TNS1: variants seen among roughly 807,000 people sequenced by gnomAD.
TNS1 encodes the protein tensin-1.
TNS1 carries 62 observed loss-of-function variants against 168.6 expected under a neutral mutation model. The observed-to-expected ratio is 0.37, with a 90% CI of 0.30 to 0.45. The LOEUF is 0.45. Ranked by LOEUF, TNS1 falls within the 20% of genes least tolerant of loss-of-function variation. The probability of loss-of-function intolerance (pLI) is 1.00; values close to 1 mark genes in which losing one functional copy is unlikely to be tolerated. For synonymous variants in TNS1, 934 were observed against 933.2 expected, an observed-to-expected ratio of 1.00 and a Z score of -0.02; for missense variants, 2,240 against 2,339.4, an observed-to-expected ratio of 0.96 and a Z score of 0.88.
Position 217,818,946 on chromosome 2 carries a change from G to A in TNS1, c.3573-187C>T, listed in dbSNP as rs116425098. 8.3e-3 allele frequency among the ~76,000 whole-genome samples: 1,269 copies of A among 152,278 alleles called. 26 individuals are homozygous for A. The highest frequency in any genetic ancestry group is 0.029 in the African/African-American group (1,207 of 41,538). Reference sequence around the variant, plus strand: ...ATCAGAAGAAGAAACTGAGGCTCAGGGAGGTTAAGCAGTAGGCTTAGTACC... The same window carrying A: ...ATCAGAAGAAGAAACTGAGGCTCAGAGAGGTTAAGCAGTAGGCTTAGTACC... On this transcript the variant is annotated intron_variant, in intron 23 of 32. Transcript: ENST00000682258.
At chr2:217,836,979 C>G (rs1945261542) in intron 19 of TNS1, among the ~76,000 whole-genome samples, 1 of 152,144 alleles carries the variant, frequency 6.6e-6, no homozygotes, top group Admixed American at 6.5e-5. Context: ...GTTAATCTCA[C>G]CCTCCTTCCT....
At position 217,966,308 on chromosome 2, in the gene TNS1, T is replaced by TGTGTGC. The variant is rs372273499; in HGVS notation, c.186+12456_186+12457insGCACAC. 9.0e-5 allele frequency among the ~76,000 whole-genome samples: 12 copies of TGTGTGC among 133,748 alleles called. No homozygotes were observed. The South Asian group carries it at 1.2e-3, about 14-fold the overall frequency. The allele number at this position is 133,748 out of a possible 152,430, so 87.7% of individuals were successfully genotyped here. ...GTGTGTGTGTGTGTGTGTGTGTGTGTGCGCGCGCGCGCGTGTGTAAGGAGA... is the reference window on the plus strand; with the variant it reads ...GTGTGTGTGTGTGTGTGTGTGTGTGTGTGTGCGCGCGCGCGCGCGTGTGTAAGGAGA... On this transcript the variant is annotated intron_variant, in intron 3 of 32. Transcript: ENST00000682258.
chr2:217,861,442 C>T (rs1007497398), intron 18 of TNS1, among the ~76,000 whole-genome samples: 2 of 152,218 alleles, frequency 1.3e-5, no homozygotes, highest in East Asian at 3.9e-4. Context: ...CCACAAACAG[C>T]CCATGTGGGC....
chr2:217,978,389 T>A (rs1957945875), intron 3 of TNS1, among the ~76,000 whole-genome samples: 1 of 152,170 alleles, frequency 6.6e-6, no homozygotes, highest in Non-Finnish European at 1.5e-5. Flanking sequence ...ACTGGGGTTG[T>A]GCGCGGCCCG....
chr2:217,953,456 A>G (rs1957289108), intron 3 of TNS1, among the ~76,000 whole-genome samples: 1 of 152,214 alleles, frequency 6.6e-6, no homozygotes, highest in Non-Finnish European at 1.5e-5. Context: ...AAAAAATAAA[A>G]AGAAAGAAAG....
chr2:217,893,201 G>T (rs992714690), intron 10 of TNS1, among the ~76,000 whole-genome samples, 189 bp from the exon 11 acceptor site: 1 of 152,148 alleles, frequency 6.6e-6, no homozygotes, highest in Non-Finnish European at 1.5e-5. Flanking sequence ...AAAAAACACA[G>T]CTGATCATCC....
At chr2:217,858,410 A>G (rs1167491121) in intron 18 of TNS1, 2 of 634,622 alleles carry the variant, frequency 3.2e-6, no homozygotes, top group Non-Finnish European at 3.9e-6. Flanking sequence ...CCAGCACAGA[A>G]GCACGAGCAC....
intron 18 of TNS1, chr2:217,879,160 C>G: frequency 3.7e-6 from 1 of 270,654 alleles, no homozygotes. Context: ...TAAGCCCCGT[C>G]TTTCCCACAT....
At chr2:217,898,927 TC>T (rs1014119952) in intron 7 of TNS1, among the ~76,000 whole-genome samples, 1 of 152,180 alleles carries the variant, frequency 6.6e-6, no homozygotes, top group Admixed American at 6.5e-5. Flanking sequence ...TCCAGCTTTT[TC>T]CCCAATCATT....
rs1941434550 is a variant in TNS1, at chr2:217,813,885, C to T, written c.4730-69G>A. Reference sequence around the variant, plus strand: ...GGTGGCGCTAGTTTTACTTAAGTCTCATTGAGCCTACCGACCTTCGTTCTT... The same window carrying T: ...GGTGGCGCTAGTTTTACTTAAGTCTTATTGAGCCTACCGACCTTCGTTCTT... On this transcript the variant is annotated intron_variant, in intron 25 of 32. Coordinates refer to ENST00000682258, the MANE Select transcript of TNS1 (RefSeq NM_001387777.1). This position sits in a 1 kb window ranked among gnomAD's most constrained non-coding sequence, Gnocchi z 4.0. 4 of 1,479,576 alleles carry T rather than the reference C, an allele frequency of 2.7e-6. No individual in the cohort carries two copies. The East Asian group carries it at 7.4e-5, about 27-fold the overall frequency. 91.7% of individuals were successfully genotyped at this position (1,479,576 alleles called of 1,614,324 possible).
chr2:217,866,407 CT>C (rs1484552433), intron 18 of TNS1, among the ~76,000 whole-genome samples: 1 of 152,178 alleles, frequency 6.6e-6, no homozygotes, highest in Non-Finnish European at 1.5e-5. Flanking sequence ...CCTGTATCTC[CT>C]CTCCTGCTTG....
At position 217,799,963 on chromosome 2, in the gene TNS1, A is replaced by G. The variant is rs1390663263; in HGVS notation, c.*4496T>C. 6.6e-6 allele frequency: 1 copy of G among 152,228 alleles called. No homozygotes were observed. Among genetic ancestry groups the G allele is most frequent in the African/African-American group, 2.4e-5 (1 of 41,460 alleles). 9.4% of individuals were successfully genotyped at this position (152,228 alleles called of 1,614,324 possible). ...GGCTATAGGCACGATGATACAAAAT[A>G]TAAAGTATATTTCCATCTATATAAA... On this transcript the variant is annotated 3_prime_UTR_variant, in exon 33 of 33. Transcript: ENST00000682258.
chr2:217,826,198 C>T (rs1363858147), intron 22 of TNS1, among the ~76,000 whole-genome samples: 1 of 152,206 alleles, frequency 6.6e-6, no homozygotes, highest in Non-Finnish European at 1.5e-5. Context: ...ACAATCTCTA[C>T]TCCTCATGAA....
At chr2:217,809,484 GATGGATGC>G (rs796633807) in intron 30 of TNS1, among the ~76,000 whole-genome samples, 16 of 21,606 alleles carry the variant, frequency 7.4e-4, no homozygotes, top group Admixed American at 1.0e-3. Context: ...TGGATGGATG[GATGGATGC>G]ATGGATGGAT....
intron 18 of TNS1, among the ~76,000 whole-genome samples, chr2:217,850,881 G>A (rs902705112): frequency 2.0e-5 from 3 of 152,150 alleles, no homozygotes; most frequent in African/African-American, 7.2e-5. Flanking sequence ...TGACCACCGT[G>A]CAGTGAGCAC....
At chr2:217,834,476 C>T (rs1048892288) in intron 21 of TNS1, among the ~76,000 whole-genome samples, 5 of 152,240 alleles carry the variant, frequency 3.3e-5, no homozygotes, top group Non-Finnish European at 7.3e-5. Flanking sequence ...TAAAAAGGAA[C>T]ACTGCCCCAT....
chr2:217,961,869 G>A (rs969929388), intron 3 of TNS1, among the ~76,000 whole-genome samples: 1 of 152,208 alleles, frequency 6.6e-6, no homozygotes, highest in Non-Finnish European at 1.5e-5. Flanking sequence ...TCAGATTAAT[G>A]TCTACAGTCA....
intron 2 of TNS1, among the ~76,000 whole-genome samples, chr2:217,981,025 T>A (rs1002227455): frequency 6.6e-6 from 1 of 152,190 alleles, no homozygotes. Context: ...TTTTCTGAAG[T>A]TGCCCTGGGT....
chr2:217,904,373 C>T (rs961607418), intron 6 of TNS1, among the ~76,000 whole-genome samples: 6 of 152,206 alleles, frequency 3.9e-5, no homozygotes, highest in Non-Finnish European at 7.3e-5. Flanking sequence ...CCAGGTCCTC[C>T]TCCCCCGGGG....
Sources: allele counts gnomAD v4.1 joint callset (sites outside exome capture counted in the v4.1 genomes callset), GRCh38; gene constraint gnomAD v4.1.1; non-coding constraint Gnocchi (gnomAD v3.1); transcripts MANE v1.5; gene names NCBI Gene and HGNC (gene_info 2026-07-23, HGNC 2026-07-21).